NIPAL2: variants seen among roughly 807,000 people sequenced by gnomAD.
NIPAL2 encodes the protein NIPA-like protein 2.
NIPAL2 carries 43 observed loss-of-function variants against 48.9 expected under a neutral mutation model. The ratio of observed to expected loss-of-function variants is 0.88; its 90% CI spans 0.69 to 1.13. The LOEUF is 1.13. Among genes scored for constraint, NIPAL2 ranks in the 50% most tolerant of loss-of-function variants. The probability of loss-of-function intolerance (pLI) is 0.00; values close to 1 mark genes in which losing one functional copy is unlikely to be tolerated. For synonymous variants in NIPAL2, 167 were observed against 174.6 expected, an observed-to-expected ratio of 0.96 and a Z score of 0.34; for missense variants, 446 against 461.4, an observed-to-expected ratio of 0.97 and a Z score of 0.31.
intron 3 of NIPAL2, among the ~76,000 whole-genome samples, chr8:98,245,288 C>G (rs563264001): frequency 6.6e-6 from 1 of 152,184 alleles, no homozygotes; most frequent in African/African-American, 2.4e-5. Flanking sequence ...ACATAATTAT[C>G]ATTCCCCGTT....
In NIPAL2 at chr8:98,257,311, A is replaced by T. The variant is rs556848566; in HGVS notation, c.136-3224T>A. On this transcript the variant is annotated intron_variant, in intron 1 of 10. Coordinates refer to ENST00000430223, the MANE Select transcript of NIPAL2 (RefSeq NM_001321635.2). ...CAGATAGCAGGCCCTGAAAGGAATC[A>T]AAGTATTTTACCCCTATATATTTTT... Among the ~76,000 whole-genome samples, 3 of 152,120 alleles carry T rather than the reference A, an allele frequency of 2.0e-5. No individual in the cohort carries two copies. In the South Asian group the frequency reaches 6.2e-4, roughly 31 times the overall value.
chr8:98,259,593 T>C (rs984970516), intron 1 of NIPAL2, among the ~76,000 whole-genome samples: 2 of 152,198 alleles, frequency 1.3e-5, no homozygotes, highest in African/African-American at 2.4e-5. Flanking sequence ...GGAAAAACAG[T>C]CTATTTCCCT....
chr8:98,258,603 C>T (rs752469665), intron 1 of NIPAL2, among the ~76,000 whole-genome samples: 3 of 152,072 alleles, frequency 2.0e-5, no homozygotes, highest in South Asian at 2.1e-4. Flanking sequence ...GACTGAAACC[C>T]GAACTTAGGA....
At chr8:98,249,975 A>G (rs1563523021) in intron 3 of NIPAL2, among the ~76,000 whole-genome samples, 1 of 152,016 alleles carries the variant, frequency 6.6e-6, no homozygotes, top group Non-Finnish European at 1.5e-5. Context: ...CTGGAAAGGA[A>G]AAATGGAGCG....
intron 6 of NIPAL2, among the ~76,000 whole-genome samples, chr8:98,208,930 T>G (rs972269312): frequency 6.6e-6 from 1 of 152,200 alleles, no homozygotes; most frequent in African/African-American, 2.4e-5. Context: ...CTTTCATAAT[T>G]ACTTTTTTAA....
chr8:98,216,357 G>A (rs1199386737), intron 5 of NIPAL2, among the ~76,000 whole-genome samples: 3 of 152,128 alleles, frequency 2.0e-5, no homozygotes, highest in African/African-American at 4.8e-5. Context: ...CCATGTATAC[G>A]GCCAGTATGC....
rs1810362390 is a variant in NIPAL2 at position 98,192,937 on chromosome 8, G to A, written c.*41C>T. The A allele has an allele frequency of 2.4e-6, 3 of 1,232,762 alleles. No individual in the cohort carries two copies. In the South Asian group the frequency reaches 3.6e-5, roughly 15 times the overall value. The allele number at this position is 1,232,762 out of a possible 1,614,324, so 76.4% of individuals were successfully genotyped here. On this transcript the variant is annotated 3_prime_UTR_variant, in exon 11 of 11. Coordinates refer to ENST00000430223, the MANE Select transcript of NIPAL2 (RefSeq NM_001321635.2). The stretch of plus-strand genomic sequence containing the variant: ...TGAACATGTGCAATTTTTTAAAAAG[G>A]TGGTATCGAATAACAGGCCAACAGC...
chr8:98,200,700 A>G (rs1406392401), intron 8 of NIPAL2, among the ~76,000 whole-genome samples: 1 of 152,138 alleles, frequency 6.6e-6, no homozygotes, highest in Non-Finnish European at 1.5e-5. Context: ...GAACTGCCAC[A>G]CTGTTTTCCA....
At chr8:98,222,213 T>C (rs1025733791) in intron 5 of NIPAL2, among the ~76,000 whole-genome samples, 3 of 152,226 alleles carry the variant, frequency 2.0e-5, no homozygotes, top group African/African-American at 7.2e-5. Flanking sequence ...ATGTTTTTTT[T>C]TACTCTGAGT....
At chr8:98,288,600 C>T (rs1682719713) in intron 1 of NIPAL2, among the ~76,000 whole-genome samples, 1 of 150,082 alleles carries the variant, frequency 6.7e-6, no homozygotes, top group Admixed American at 6.6e-5. Flanking sequence ...GTTCTAGATC[C>T]CTGAGGAATC....
At chr8:98,266,276 G>C (rs1814729908) in intron 1 of NIPAL2, among the ~76,000 whole-genome samples, 1 of 90,092 alleles carries the variant, frequency 1.1e-5, no homozygotes, top group Non-Finnish European at 2.4e-5. Flanking sequence ...AAAACTTAAA[G>C]TATAATAAAA....
At chr8:98,277,052 G>C (rs1815512306) in intron 1 of NIPAL2, among the ~76,000 whole-genome samples, 1 of 84,726 alleles carries the variant, frequency 1.2e-5, no homozygotes. Context: ...TTACAGGCGT[G>C]AGCCAGTATA....
At chr8:98,230,694 T>C (rs1187377991) in intron 4 of NIPAL2, among the ~76,000 whole-genome samples, 1 of 152,210 alleles carries the variant, frequency 6.6e-6, no homozygotes, top group Non-Finnish European at 1.5e-5. Context: ...AAGTCTTCTA[T>C]AGATACCTGT....
chr8:98,242,023 A>G (rs1177031387), intron 3 of NIPAL2, among the ~76,000 whole-genome samples: 1 of 152,230 alleles, frequency 6.6e-6, no homozygotes, highest in African/African-American at 2.4e-5. Flanking sequence ...CCATTGGTAT[A>G]CCATGGCATA....
chr8:98,292,696 T>C (rs1816551892), intron 1 of NIPAL2, among the ~76,000 whole-genome samples: 1 of 151,966 alleles, frequency 6.6e-6, no homozygotes, highest in Non-Finnish European at 1.5e-5. Flanking sequence ...CAATGTCCTG[T>C]TTTTGGATGA....
At chr8:98,240,319 C>T (rs1026457525) in intron 3 of NIPAL2, among the ~76,000 whole-genome samples, 2 of 151,984 alleles carry the variant, frequency 1.3e-5, no homozygotes, top group South Asian at 4.2e-4. Context: ...AGTACTTTTT[C>T]GGGGGGAAAA....
At chr8:98,280,090 C>T (rs1467396856) in intron 1 of NIPAL2, among the ~76,000 whole-genome samples, 3 of 152,164 alleles carry the variant, frequency 2.0e-5, no homozygotes, top group Non-Finnish European at 4.4e-5. Flanking sequence ...TGTTATTGAC[C>T]TGTAATCCAT....
chr8:98,205,044 T>G, intron 7 of NIPAL2, 67 bp downstream of exon 7: 1 of 1,518,954 alleles, frequency 6.6e-7, no homozygotes, highest in Non-Finnish European at 9.1e-7. Flanking sequence ...CTGAAGCCAG[T>G]AAAGATTAAT....
At chr8:98,240,441 C>T (rs1482912574) in intron 3 of NIPAL2, among the ~76,000 whole-genome samples, 1 of 152,200 alleles carries the variant, frequency 6.6e-6, no homozygotes, top group Non-Finnish European at 1.5e-5. Context: ...AGCCAAAACT[C>T]ACTGCCCATA....
Sources: gnomAD v4.1 joint callset for allele counts (sites outside exome capture counted in the v4.1 genomes callset) on GRCh38, gnomAD v4.1.1 for gene constraint, MANE v1.5 for transcripts, NCBI Gene and HGNC (gene_info 2026-07-23, HGNC 2026-07-21) for gene names.